The following LARGE1 variants were observed in gnomAD, a reference collection of about 807,000 sequenced individuals.
LARGE1 encodes the protein LARGE xylosyl- and glucuronyltransferase 1, also known as xylosyl- and glucuronyltransferase LARGE1.
LARGE1 carries 43 observed loss-of-function variants against 87.6 expected under a neutral mutation model. The ratio of observed to expected loss-of-function variants is 0.49; its 90% CI spans 0.38 to 0.63. LARGE1 has a LOEUF of 0.63. Ranked by LOEUF, LARGE1 falls within the 30% of genes least tolerant of loss-of-function variation. The pLI is 0.00. For synonymous variants in LARGE1, 434 were observed against 394.6 expected (o/e 1.10, Z -1.18); for missense variants, 802 against 1,000.2 (o/e 0.80, Z 2.67).
chr22:33,518,005 C>T (rs2071394275), intron 6 of LARGE1, among the ~76,000 whole-genome samples: 1 of 152,190 alleles, frequency 6.6e-6, no homozygotes, highest in Non-Finnish European at 1.5e-5. Context: ...CACTCCAACT[C>T]CTACAGATTT....
chr22:33,237,285 G>A (rs1275119920), intron 11 of LARGE1, among the ~76,000 whole-genome samples: 1 of 152,146 alleles, frequency 6.6e-6, no homozygotes, highest in Non-Finnish European at 1.5e-5. Flanking sequence ...ACCATGATAA[G>A]CTTAAACATG....
chr22:33,450,593 C>T (rs560092107), intron 6 of LARGE1, among the ~76,000 whole-genome samples: 23 of 149,730 alleles, frequency 1.5e-4, no homozygotes, highest in African/African-American at 5.7e-4. Context: ...GGCAACAAAG[C>T]AAGATTCTGT....
intron 11 of LARGE1, among the ~76,000 whole-genome samples, chr22:33,172,543 C>T (rs1922632052): frequency 6.6e-6 from 1 of 152,092 alleles, no homozygotes; most frequent in Non-Finnish European, 1.5e-5. Context: ...CTGAGGCTTC[C>T]CCAAATTTCT....
At chr22:33,142,679 T>C in the LARGE1 span, among the ~76,000 whole-genome samples, 139 of 152,358 alleles carry the variant, frequency 9.1e-4, no homozygotes, top group African/African-American at 3.1e-3. Flanking sequence ...TTGGTATGCA[T>C]TGGTCATTTT....
the LARGE1 span, among the ~76,000 whole-genome samples, chr22:33,152,975 A>G: frequency 6.6e-6 from 1 of 151,832 alleles, no homozygotes; most frequent in Non-Finnish European, 1.5e-5. Flanking sequence ...AGAGTCTTTT[A>G]TTTTCCAGTG....
chr22:33,116,956 T>C, the LARGE1 span, among the ~76,000 whole-genome samples: 1 of 152,182 alleles, frequency 6.6e-6, no homozygotes, highest in Non-Finnish European at 1.5e-5. Context: ...AACTAATCTT[T>C]GTATGCTGCT....
At chr22:33,686,686 T>C (rs901623104) in intron 2 of LARGE1, among the ~76,000 whole-genome samples, 3 of 152,202 alleles carry the variant, frequency 2.0e-5, no homozygotes, top group Admixed American at 6.5e-5. Context: ...TGCTTTGGTC[T>C]TGGGGACTAT....
intron 2 of LARGE1, among the ~76,000 whole-genome samples, chr22:33,749,327 T>G (rs2084223917): frequency 6.6e-6 from 1 of 152,210 alleles, no homozygotes; most frequent in Non-Finnish European, 1.5e-5. Context: ...TTGGTCAGGC[T>G]GGTCTCGAAC....
At chr22:33,909,543 T>C (rs1389612125) in intron 1 of LARGE1, among the ~76,000 whole-genome samples, 10 of 151,654 alleles carry the variant, frequency 6.6e-5, no homozygotes, top group Non-Finnish European at 1.5e-5. Flanking sequence ...TTTGTTTTTG[T>C]TTTTGTTTTT....
intron 9 of LARGE1, among the ~76,000 whole-genome samples, chr22:33,377,148 C>A (rs1478485679): frequency 6.6e-6 from 1 of 152,122 alleles, no homozygotes; most frequent in Admixed American, 6.5e-5. Flanking sequence ...TTAACAAAAC[C>A]CTGACAAATA....
intron 11 of LARGE1, among the ~76,000 whole-genome samples, chr22:33,211,648 C>T (rs543424175): frequency 6.6e-6 from 1 of 152,230 alleles, no homozygotes; most frequent in South Asian, 2.1e-4. Flanking sequence ...TGGCACACAC[C>T]TGTAGTCCCA....
intron 11 of LARGE1, among the ~76,000 whole-genome samples, chr22:33,242,004 A>G (rs1342874190): frequency 1.3e-5 from 2 of 152,198 alleles, no homozygotes; most frequent in African/African-American, 4.8e-5. Context: ...TAGATCTTAA[A>G]TGTTTTCACC....
chr22:33,684,031 G>A (rs1247282465), intron 2 of LARGE1, among the ~76,000 whole-genome samples: 2 of 152,182 alleles, frequency 1.3e-5, no homozygotes, highest in Non-Finnish European at 2.9e-5. Context: ...AGGAGGGTAG[G>A]AAGGTGTGGA....
intron 2 of LARGE1, among the ~76,000 whole-genome samples, chr22:33,746,098 C>T (rs773300890): frequency 3.3e-5 from 5 of 152,150 alleles, no homozygotes; most frequent in East Asian, 1.9e-4. Flanking sequence ...GAAAATTAGT[C>T]GGGTATGGTG....
At chr22:33,136,934 T>TAAAAA in the LARGE1 span, among the ~76,000 whole-genome samples, 1 of 147,810 alleles carries the variant, frequency 6.8e-6, no homozygotes, top group African/African-American at 2.5e-5. Flanking sequence ...AATATTAAGG[T>TAAAAA]AAAAAAAAAA....
At chr22:33,481,214 T>C (rs1343327647) in intron 6 of LARGE1, among the ~76,000 whole-genome samples, 2 of 141,804 alleles carry the variant, frequency 1.4e-5, no homozygotes, top group Non-Finnish European at 3.1e-5. Context: ...TCATTGGCAC[T>C]ATAGATACAC....
chr22:33,240,738 T>C (rs1381035612), intron 11 of LARGE1, among the ~76,000 whole-genome samples: 5 of 152,212 alleles, frequency 3.3e-5, no homozygotes, highest in African/African-American at 9.6e-5. Context: ...TTTGGGGAGA[T>C]TGGACATTCT....
At chr22:33,617,655 A>G (rs542642258) in intron 4 of LARGE1, among the ~76,000 whole-genome samples, 1 of 152,268 alleles carries the variant, frequency 6.6e-6, no homozygotes, top group South Asian at 2.1e-4. Flanking sequence ...TACACATCTT[A>G]ATACAGAGTG....
At chr22:33,831,913 C>T (rs995070186) in intron 1 of LARGE1, among the ~76,000 whole-genome samples, 3 of 152,192 alleles carry the variant, frequency 2.0e-5, no homozygotes, top group African/African-American at 7.2e-5. Flanking sequence ...AAGTCGTAAG[C>T]TTCTGGACAT....
Sources: allele counts gnomAD v4.1 joint callset (sites outside exome capture counted in the v4.1 genomes callset), GRCh38; gene constraint gnomAD v4.1.1; transcripts MANE v1.5; gene names NCBI Gene and HGNC (gene_info 2026-07-23, HGNC 2026-07-21).